ABCC1: variants seen among roughly 807,000 people sequenced by gnomAD.
The protein encoded by ABCC1 is multidrug resistance-associated protein 1.
ABCC1 carries 83 observed loss-of-function variants against 172.9 expected under a neutral mutation model. The ratio of observed to expected loss-of-function variants is 0.48; its 90% CI spans 0.40 to 0.58. The LOEUF is 0.58. ABCC1 is among the 20% of genes least tolerant of loss of function. The pLI, the probability that ABCC1 is intolerant of heterozygous loss-of-function variation, is 0.00. For synonymous variants in ABCC1, 937 were observed against 825.2 expected (o/e 1.14, Z -2.32); for missense variants, 1,817 against 2,002.7 (o/e 0.91, Z 1.77).
intron 5 of ABCC1, among the ~76,000 whole-genome samples, chr16:16,025,567 T>C (rs762183799): frequency 2.0e-5 from 3 of 152,092 alleles, no homozygotes; most frequent in Non-Finnish European, 4.4e-5. Flanking sequence ...AGAGCGGAGG[T>C]AACCAGCAGA....
In ABCC1 at chr16:16,111,049, G is replaced by A. The variant is rs185791947; in HGVS notation, c.2872-326G>A. ...CCAATTAGCTGGGATTACAGATGCCGACCACACACCCGGCTAACTTTATAT... is the reference window on the plus strand; with the variant it reads ...CCAATTAGCTGGGATTACAGATGCCAACCACACACCCGGCTAACTTTATAT... On this transcript the variant is annotated intron_variant, in intron 21 of 30. Transcript: ENST00000399410. Among the ~76,000 whole-genome samples the A allele has an allele frequency of 1.5e-4, 23 of 152,062 alleles. No individual in the cohort carries two copies. The East Asian group carries it at 3.5e-3, about 23-fold the overall frequency.
At chr16:16,046,107 C>T in intron 9 of ABCC1, 94 bp downstream of exon 9, 1 of 1,410,762 alleles carries the variant, frequency 7.1e-7, no homozygotes, top group Non-Finnish European at 9.7e-7. Flanking sequence ...GATTTCCAGC[C>T]CAGCTTCTGG....
At chr16:15,970,850 C>T (rs2046353703) in intron 1 of ABCC1, among the ~76,000 whole-genome samples, 1 of 152,192 alleles carries the variant, frequency 6.6e-6, no homozygotes, top group Non-Finnish European at 1.5e-5. Context: ...TTGCCTCGGC[C>T]TCCGAAAGTG....
intron 18 of ABCC1, 119 bp from the exon 19 acceptor site, chr16:16,090,286 G>C: frequency 9.2e-7 from 1 of 1,086,114 alleles, no homozygotes. Flanking sequence ...CCCACCTTCA[G>C]ACCTGAGTTT....
At chr16:16,068,341 T>C (rs2050194246) in intron 13 of ABCC1, 39 bp downstream of exon 13, 10 of 1,609,850 alleles carry the variant, frequency 6.2e-6, no homozygotes, top group Admixed American at 1.7e-5. Context: ...AGAGGGGGCC[T>C]TGGGGTTCTA....
intron 1 of ABCC1, among the ~76,000 whole-genome samples, chr16:16,006,847 TGGTGGC>T (rs71134499): frequency 3.8e-3 from 342 of 89,688 alleles, no homozygotes; most frequent in African/African-American, 6.9e-3. Context: ...TTATCCGTGG[TGGTGGC>T]GGTGGCGGTG....
intron 19 of ABCC1, among the ~76,000 whole-genome samples, chr16:16,100,429 C>G (rs959063129): frequency 1.6e-4 from 25 of 152,296 alleles, no homozygotes; most frequent in African/African-American, 5.5e-4. Context: ...GGAACATTCT[C>G]ATCCCTGCAC....
chr16:16,100,121 G>A (rs2051660533), intron 19 of ABCC1, among the ~76,000 whole-genome samples: 1 of 152,110 alleles, frequency 6.6e-6, no homozygotes, highest in African/African-American at 2.4e-5. Context: ...GAGGATGGTG[G>A]ACTAACTGAT....
chr16:16,056,175 C>T lies in ABCC1; in HGVS notation c.1557C>T (p.Ala519=), dbSNP rs1213952101. 1 of 1,613,948 alleles carries T rather than the reference C, an allele frequency of 6.2e-7. No homozygotes were observed. Among genetic ancestry groups the T allele is most frequent in the Non-Finnish European group, 8.5e-7 (1 of 1,180,012 alleles). Residue 519 remains alanine, a synonymous_variant, in exon 12 of 31, where the codon GCC becomes GCT. Coordinates refer to ENST00000399410, the MANE Select transcript of ABCC1 (RefSeq NM_004996.4). ...LNGIKVLKLY[A]WELAFKDKVL... is the part of the protein sequence containing the mutation. ...GGATCAAAGTGCTAAAGCTTTATGCCTGGGAGCTGGCATTCAAGGACAAGG... is the reference window on the plus strand; with the variant it reads ...GGATCAAAGTGCTAAAGCTTTATGCTTGGGAGCTGGCATTCAAGGACAAGG...
At chr16:16,047,360 T>TGGCTCACTGCAGCCTCCACCTCCTG (rs1476695676) in intron 9 of ABCC1, among the ~76,000 whole-genome samples, 2 of 152,044 alleles carry the variant, frequency 1.3e-5, no homozygotes, top group Non-Finnish European at 2.9e-5. Flanking sequence ...GGCATGATCT[T>TGGCTCACTGCAGCCTCCACCTCCTG]GGCTCACTGC....
At chr16:16,028,430 A>G (rs529072966) in intron 5 of ABCC1, among the ~76,000 whole-genome samples, 55 of 152,264 alleles carry the variant, frequency 3.6e-4, no homozygotes, top group African/African-American at 1.2e-3. Flanking sequence ...CAATAAATAA[A>G]TGAATCATTG....
chr16:15,996,974 A>G (rs781389305), intron 1 of ABCC1, among the ~76,000 whole-genome samples: 1 of 152,014 alleles, frequency 6.6e-6, no homozygotes, highest in Non-Finnish European at 1.5e-5. Context: ...GGGGTCCCCA[A>G]CTCTTTGAGT....
intron 23 of ABCC1, among the ~76,000 whole-genome samples, chr16:16,115,443 C>T (rs2044819620): frequency 6.6e-6 from 1 of 152,060 alleles, no homozygotes; most frequent in South Asian, 2.1e-4. Context: ...CAACCTCCAC[C>T]TCCCAGTTCA....
Position 16,136,496 on chromosome 16 carries a change from G to T in ABCC1, c.4144G>T (p.Gly1382Cys). Reference sequence around the variant, plus strand: ...TGAACAGGACCCTGTTTTGTTTTCGGGTTCCCTCCGAATGAACCTGGACCC... The same window carrying T: ...TGAACAGGACCCTGTTTTGTTTTCGTGTTCCCTCCGAATGAACCTGGACCC... ...IIPQDPVLFSGSLRMNLDPFS... is the reference protein window; with the variant it reads ...IIPQDPVLFSCSLRMNLDPFS... The change falls in exon 29 of 31, where the codon GGT becomes TGT. Residue 1382 changes from glycine (G) to cysteine (C), a missense_variant. Physicochemically the swap from Gly to Cys is radical, Grantham distance 159. Transcript: ENST00000399410. The T allele has an allele frequency of 6.2e-7, 1 of 1,614,100 alleles. No individual in the cohort carries two copies. The highest frequency in any genetic ancestry group is 1.1e-5 in the South Asian group (1 of 91,074).
chr16:15,960,118 G>A (rs2046095119), intron 1 of ABCC1, among the ~76,000 whole-genome samples: 1 of 152,140 alleles, frequency 6.6e-6, no homozygotes, highest in African/African-American at 2.4e-5. Flanking sequence ...TTGATGGATG[G>A]AGTCTTGTTC....
In ABCC1 at chr16:16,024,234, A is replaced by G. The variant is rs184688189; in HGVS notation, c.615+7613A>G. Among the ~76,000 whole-genome samples, 222 of 152,154 alleles carry G rather than the reference A, an allele frequency of 1.5e-3. 1 individual carries two copies. The highest frequency in any genetic ancestry group is 2.6e-3 in the Admixed American group (40 of 15,262). Reference sequence around the variant, plus strand: ...ACTCTGTCTCAAAAGAAAGAAAGAAAAAAAGAATTCTGCTTGGCTAGATTG... The same window carrying G: ...ACTCTGTCTCAAAAGAAAGAAAGAAGAAAAGAATTCTGCTTGGCTAGATTG... On this transcript the variant is annotated intron_variant, in intron 5 of 30. Coordinates refer to ENST00000399410, the MANE Select transcript of ABCC1 (RefSeq NM_004996.4).
intron 1 of ABCC1, among the ~76,000 whole-genome samples, chr16:15,956,843 A>G (rs1308615848): frequency 2.0e-5 from 3 of 152,158 alleles, no homozygotes; most frequent in African/African-American, 7.2e-5. Flanking sequence ...TTGCTATCTC[A>G]GGGATGGCAG....
At position 16,036,435 on chromosome 16, in the gene ABCC1, A is replaced by C. The variant is rs911732820; in HGVS notation, c.678-37A>C. 5.0e-6 allele frequency: 8 copies of C among 1,589,010 alleles called. No homozygotes were observed. In the Middle Eastern group the frequency reaches 5.3e-4, roughly 105 times the overall value. On this transcript the variant is annotated intron_variant, in intron 6 of 30. Coordinates refer to ENST00000399410, the MANE Select transcript of ABCC1 (RefSeq NM_004996.4). ...CGTCCTCCCCCTCCTCCTGTCATTG[A>C]CTCTCATTGCCTAACCCCCTTGTGT...
chr16:15,970,550 C>G (rs925952023), intron 1 of ABCC1, among the ~76,000 whole-genome samples: 10 of 152,160 alleles, frequency 6.6e-5, no homozygotes, highest in African/African-American at 1.7e-4. Flanking sequence ...GTGGGAAATG[C>G]ATGTGCAGAA....
Sources: gnomAD v4.1 joint callset for allele counts (sites outside exome capture counted in the v4.1 genomes callset) on GRCh38, gnomAD v4.1.1 for gene constraint, MANE v1.5 for transcripts, NCBI Gene and HGNC (gene_info 2026-07-23, HGNC 2026-07-21) for gene names.